Variants in MCUR1 observed in about 807,000 individuals in gnomAD.
MCUR1 encodes the protein mitochondrial calcium uniporter regulator 1, also known as MCU regulator 1.
A neutral mutation model predicts 42.0 loss-of-function variants in MCUR1; 37 were observed. That is an observed-to-expected ratio of 0.88 (90% confidence interval 0.68 to 1.16). The LOEUF (loss-of-function observed/expected upper bound fraction) is 1.16. MCUR1 is among the 50% of genes most tolerant of loss of function. MCUR1 has a pLI of 0.00. For synonymous variants in MCUR1, 229 were observed against 196.2 expected (o/e 1.17, Z -1.40); for missense variants, 469 against 468.4 (o/e 1.00, Z -0.01).
chr6:13,794,796 C>T (rs1176802427), intron 6 of MCUR1, among the ~76,000 whole-genome samples: 2 of 151,618 alleles, frequency 1.3e-5, no homozygotes, highest in African/African-American at 4.8e-5. Context: ...GTTTTAATAA[C>T]AATAAAAAAA....
intron 6 of MCUR1, 83 bp from the exon 7 acceptor site, chr6:13,794,030 C>A: frequency 8.0e-7 from 1 of 1,248,638 alleles, no homozygotes; most frequent in South Asian, 1.2e-5. Flanking sequence ...ATTCTGGTCT[C>A]AGTACCTCCT....
chr6:13,809,209 CTTAATA>C (rs1019202133), intron 1 of MCUR1, among the ~76,000 whole-genome samples: 109 of 152,256 alleles, frequency 7.2e-4, no homozygotes, highest in African/African-American at 2.5e-3. Context: ...GTACTGCCAC[CTTAATA>C]TTAAGTATTC....
intron 3 of MCUR1, among the ~76,000 whole-genome samples, chr6:13,801,658 TA>T (rs771049109): frequency 4.0e-4 from 61 of 152,264 alleles, no homozygotes; most frequent in Non-Finnish European, 8.2e-4. Context: ...GAGACCAGCT[TA>T]AGCAACATGG....
At position 13,800,364 on chromosome 6, in the gene MCUR1, G is replaced by A. The variant is rs1008245613; in HGVS notation, c.760C>T (p.His254Tyr). The A allele has an allele frequency of 3.2e-6, 5 of 1,571,404 alleles. No individual in the cohort carries two copies. In the African/African-American group the frequency reaches 6.8e-5, roughly 21 times the overall value. ...AENEKIKLELHQLKQQVMDEV... is the reference protein window; with the variant it reads ...AENEKIKLELYQLKQQVMDEV... The stretch of plus-strand genomic sequence containing the variant: ...ACCATTACTTGTTGTTTTAACTGAT[G>A]TAGTTCGAGTTTTATTTTCTAAAAA... The change falls in exon 5 of 9, where the codon CAT (histidine) becomes TAT (tyrosine). Residue 254 changes from histidine (H) to tyrosine (Y), a missense_variant. By Grantham distance (83) the His-to-Tyr change is moderately conservative (BLOSUM62 2). Coordinates refer to ENST00000379170, the MANE Select transcript of MCUR1 (RefSeq NM_001031713.4).
chr6:13,800,517 G>A, intron 4 of MCUR1, 135 bp from the exon 5 acceptor site: 1 of 572,586 alleles, frequency 1.7e-6, no homozygotes, highest in Non-Finnish European at 3.1e-6. Flanking sequence ...ATTGCAGAAT[G>A]GCATTACAAC....
In MCUR1 at chr6:13,802,228, C is replaced by G; in HGVS notation, c.639+15G>C. ...TTCACAGTCCTAATTTGCTAAACCA[C>G]CCAACAAGGCTAACCTGCTGCATCT... On this transcript the variant is annotated intron_variant, in intron 3 of 8. Coordinates refer to ENST00000379170, the MANE Select transcript of MCUR1 (RefSeq NM_001031713.4). 5.0e-6 allele frequency: 8 copies of G among 1,609,640 alleles called. No homozygotes were observed. The highest frequency in any genetic ancestry group is 6.8e-6 in the Non-Finnish European group (8 of 1,176,358).
intron 2 of MCUR1, 66 bp from the exon 3 acceptor site, chr6:13,802,412 A>G (rs2113468510): frequency 2.5e-6 from 3 of 1,223,984 alleles, no homozygotes; most frequent in African/African-American, 3.0e-5. Flanking sequence ...AAATGCACAC[A>G]TTCATGTGAA....
chr6:13,808,821 G>A (rs970762269), intron 1 of MCUR1, among the ~76,000 whole-genome samples: 1 of 152,164 alleles, frequency 6.6e-6, no homozygotes, highest in Non-Finnish European at 1.5e-5. Flanking sequence ...GAGGCCTTGT[G>A]TCTGGGCTCT....
chr6:13,805,583 G>C (rs778143723), intron 2 of MCUR1, among the ~76,000 whole-genome samples: 16 of 152,214 alleles, frequency 1.1e-4, no homozygotes, highest in African/African-American at 3.9e-4. Context: ...TGCAGGGTTA[G>C]GCTCGAGCCC....
intron 8 of MCUR1, 70 bp downstream of exon 8, chr6:13,791,808 T>C (rs1759733564): frequency 2.0e-6 from 2 of 981,238 alleles, no homozygotes; most frequent in African/African-American, 3.3e-5. Flanking sequence ...AAATGCAGTA[T>C]CTGTCAACGA....
intron 1 of MCUR1, among the ~76,000 whole-genome samples, chr6:13,812,675 T>C (rs1179082060): frequency 6.6e-6 from 1 of 152,208 alleles, no homozygotes; most frequent in East Asian, 1.9e-4. Flanking sequence ...TACTAATCAG[T>C]TTTTACCCCA....
intron 6 of MCUR1, among the ~76,000 whole-genome samples, chr6:13,795,499 C>T (rs1759836299): frequency 6.6e-6 from 1 of 152,172 alleles, no homozygotes; most frequent in Admixed American, 6.5e-5. Context: ...TAATATTTAA[C>T]ATTATAACTT....
intron 4 of MCUR1, 112 bp from the exon 5 acceptor site, chr6:13,800,494 G>T: frequency 1.3e-5 from 8 of 622,290 alleles, no homozygotes; most frequent in Non-Finnish European, 2.0e-5. Flanking sequence ...CCTTCATTCA[G>T]AACACCGTAT....
At chr6:13,811,421 A>G (rs1250520018) in intron 1 of MCUR1, among the ~76,000 whole-genome samples, 1 of 152,132 alleles carries the variant, frequency 6.6e-6, no homozygotes, top group Non-Finnish European at 1.5e-5. Context: ...ATTTGAGATG[A>G]ATTCCTTTCT....
intron 8 of MCUR1, 59 bp from the exon 9 acceptor site, chr6:13,790,923 C>T: frequency 1.5e-6 from 2 of 1,310,504 alleles, no homozygotes; most frequent in Non-Finnish European, 2.1e-6. Flanking sequence ...CTTGAGGGAA[C>T]ATCTTTTTTT....
rs1374229246 is a variant in MCUR1 at position 13,811,956 on chromosome 6, C to G, written c.415+2059G>C. Among the ~76,000 whole-genome samples, 3 of 152,110 alleles carry G rather than the reference C, an allele frequency of 2.0e-5. No homozygotes were observed. The East Asian group carries it at 5.8e-4, about 29-fold the overall frequency. On this transcript the variant is annotated intron_variant, in intron 1 of 8. Coordinates refer to ENST00000379170, the MANE Select transcript of MCUR1 (RefSeq NM_001031713.4). ...TGCCTCTGAAAGGTCGACAGAAGGG[C>G]TGGCCACTTTCCATTGGTCACTCCA...
intron 1 of MCUR1, among the ~76,000 whole-genome samples, chr6:13,810,418 T>C (rs1292125791): frequency 1.3e-5 from 2 of 152,164 alleles, no homozygotes; most frequent in African/African-American, 4.8e-5. Context: ...ATATTTGTCA[T>C]TACTTTTCTA....
intron 4 of MCUR1, among the ~76,000 whole-genome samples, chr6:13,800,782 T>C (rs992292073): frequency 1.3e-5 from 2 of 152,216 alleles, no homozygotes; most frequent in Admixed American, 1.3e-4. Flanking sequence ...CCTTCCCTAT[T>C]ATGGGACTTT....
intron 3 of MCUR1, 134 bp from the exon 4 acceptor site, chr6:13,801,523 T>C: frequency 1.6e-6 from 1 of 617,384 alleles, no homozygotes; most frequent in Non-Finnish European, 2.8e-6. Context: ...GGGTCATCCT[T>C]TATTCCAAAA....
Sources: gnomAD v4.1 joint callset for allele counts (sites outside exome capture counted in the v4.1 genomes callset) on GRCh38, gnomAD v4.1.1 for gene constraint, MANE v1.5 for transcripts, NCBI Gene and HGNC (gene_info 2026-07-23, HGNC 2026-07-21) for gene names.